Variants in ZNF101 observed in about 807,000 individuals in gnomAD.
The protein encoded by ZNF101 is zinc finger protein 101.
Under a neutral mutation model 42.6 loss-of-function variants are expected in ZNF101, and 34 were observed. The ratio of observed to expected loss-of-function variants is 0.80; its 90% CI spans 0.61 to 1.06. ZNF101 has a LOEUF of 1.06. ZNF101 is among the 50% of genes least tolerant of loss of function. The pLI is 0.00. For synonymous variants in ZNF101, 158 were observed against 183.9 expected, an observed-to-expected ratio of 0.86 and a Z score of 1.14; for missense variants, 466 against 530.9, an observed-to-expected ratio of 0.88 and a Z score of 1.20.
At position 19,677,942 on chromosome 19, in the gene ZNF101, C is replaced by T; in HGVS notation, c.82C>T (p.Leu28Phe). 4 of 1,612,640 alleles carry T rather than the reference C, an allele frequency of 2.5e-6. No homozygotes were observed. The South Asian group carries it at 4.4e-5, about 18-fold the overall frequency. Residue 28 changes from leucine (L) to phenylalanine (F), a missense_variant, in exon 2 of 4, where the codon CTC becomes TTC. Physicochemically the swap from Leu to Phe is conservative, Grantham distance 22 (BLOSUM62 0). Coordinates refer to ENST00000592502, the MANE Select transcript of ZNF101 (RefSeq NM_033204.4). The stretch of plus-strand genomic sequence containing the variant: ...TTTGCTGAGTCCTTCCCAGAAGAAT[C>T]TCTACAGAGATGTGACGCTGGAAAC... ...WALLSPSQKN[L>F]YRDVTLETFR...
rs2098044928 is a variant in ZNF101 at position 19,681,677 on chromosome 19, G to C, written c.*1377G>C. On this transcript the variant is annotated 3_prime_UTR_variant, in exon 4 of 4. Coordinates refer to ENST00000592502, the MANE Select transcript of ZNF101 (RefSeq NM_033204.4). ...AGGTGGGAGGATTGCTTGAGTTTGGGAGGTCGAGGTTGCAGTGAGTGGAGA... is the reference window on the plus strand; with the variant it reads ...AGGTGGGAGGATTGCTTGAGTTTGGCAGGTCGAGGTTGCAGTGAGTGGAGA... 1 of 152,122 alleles carries C rather than the reference G, an allele frequency of 6.6e-6. No individual in the cohort carries two copies. The allele number at this position is 152,122 out of a possible 1,614,324, so 9.4% of individuals were successfully genotyped here.
At chr19:19,673,220 G>A (rs2062181655) in intron 1 of ZNF101, among the ~76,000 whole-genome samples, 1 of 150,710 alleles carries the variant, frequency 6.6e-6, no homozygotes. Flanking sequence ...CAAAGTGGTG[G>A]GATTACAGAT....
Position 19,680,425 on chromosome 19 carries a change from T to C in ZNF101, c.*125T>C. On this transcript the variant is annotated 3_prime_UTR_variant, in exon 4 of 4. Transcript: ENST00000592502. ...TGAGGTCAGGAGTTCAAGACTAGCC[T>C]GGCCAACATGGTGAAACCCCGTCTC... The C allele has an allele frequency of 4.2e-6, 2 of 473,512 alleles. No individual in the cohort carries two copies. The highest frequency in any genetic ancestry group is 7.2e-6 in the Non-Finnish European group (2 of 276,366). The allele number at this position is 473,512 out of a possible 1,614,324, so 29.3% of individuals were successfully genotyped here.
chr19:19,679,363 C>T lies in ZNF101; in HGVS notation c.374C>T (p.Ala125Val), dbSNP rs765508720. 6.2e-7 allele frequency: 1 copy of T among 1,614,102 alleles called. No homozygotes were observed. Among genetic ancestry groups the T allele is most frequent in the East Asian group, 2.2e-5 (1 of 44,878 alleles). ...SFLDRHMRAHAGHKRSECGGE... is the reference protein window; with the variant it reads ...SFLDRHMRAHVGHKRSECGGE... Reference sequence around the variant, plus strand: ...CTGGACAGGCACATGAGAGCTCATGCTGGACACAAACGATCTGAGTGTGGT... The same window carrying T: ...CTGGACAGGCACATGAGAGCTCATGTTGGACACAAACGATCTGAGTGTGGT... Residue 125 changes from alanine to valine, a missense_variant, in exon 4 of 4, where the codon GCT becomes GTT. Coordinates refer to ENST00000592502, the MANE Select transcript of ZNF101 (RefSeq NM_033204.4).
At position 19,682,409 on chromosome 19, in the gene ZNF101, CAG is replaced by C. The variant is rs2062245058; in HGVS notation, c.*2110_*2111del. 6.6e-6 allele frequency: 1 copy of C among 152,088 alleles called. No homozygotes were observed. Among genetic ancestry groups the C allele is most frequent in the South Asian group, 2.1e-4 (1 of 4,832 alleles). The allele number at this position is 152,088 out of a possible 1,614,324, so 9.4% of individuals were successfully genotyped here. Reference sequence around the variant, plus strand: ...TAAATTTTTGGTATTTTTGTAGAAACAGGGTTTTTCCACATTGGCCAGGCTGG... The same window carrying C: ...TAAATTTTTGGTATTTTTGTAGAAACGGTTTTTCCACATTGGCCAGGCTGG... On this transcript the variant is annotated 3_prime_UTR_variant, in exon 4 of 4. Coordinates refer to ENST00000592502, the MANE Select transcript of ZNF101 (RefSeq NM_033204.4).
At chr19:19,671,559 G>A (rs920664547) in intron 1 of ZNF101, among the ~76,000 whole-genome samples, 7 of 151,368 alleles carry the variant, frequency 4.6e-5, no homozygotes, top group East Asian at 1.9e-4. Flanking sequence ...GAGTGCAGTG[G>A]CGCGATCTCG....
At chr19:19,678,851 T>C (rs1241028266) in intron 3 of ZNF101, 65 bp downstream of exon 3, 1 of 1,418,698 alleles carries the variant, frequency 7.0e-7, no homozygotes, top group Non-Finnish European at 9.7e-7. Context: ...AGGAAAATTT[T>C]TAAAAAAATA....
intron 1 of ZNF101, 115 bp downstream of exon 1, chr19:19,669,081 A>C: frequency 4.3e-6 from 6 of 1,408,656 alleles, no homozygotes; most frequent in Non-Finnish European, 5.7e-6. Context: ...CGAGTCCCCC[A>C]GGCGCAGCTC....
chr19:19,677,673 C>A, intron 1 of ZNF101, 191 bp from the exon 2 acceptor site: 1 of 871,076 alleles, frequency 1.1e-6, no homozygotes, highest in Non-Finnish European at 1.6e-6. Context: ...GTGGCTGGCT[C>A]TCTGAGTAGG....
Position 19,678,765 on chromosome 19 carries a change from A to C in ZNF101, c.170A>C (p.Gln57Pro). 1.2e-6 allele frequency: 2 copies of C among 1,612,168 alleles called. No homozygotes were observed. The highest frequency in any genetic ancestry group is 2.2e-5 in the South Asian group (2 of 90,578). ...WKDQDIENLY[Q>P]NLGIKLRSLV... ...GACCAGGACATTGAGAATCTGTACCAAAACCTGGGGATTAAGCTAAGGTAA... is the reference window on the plus strand; with the variant it reads ...GACCAGGACATTGAGAATCTGTACCCAAACCTGGGGATTAAGCTAAGGTAA... The change falls in exon 3 of 4, where the codon CAA (glutamine) becomes CCA (proline). Residue 57 changes from glutamine (Q) to proline (P), a missense_variant. By Grantham distance (76) the Gln-to-Pro change is moderately conservative. Transcript: ENST00000592502.
chr19:19,675,728 G>T (rs1230952190), intron 1 of ZNF101, among the ~76,000 whole-genome samples: 1 of 152,054 alleles, frequency 6.6e-6, no homozygotes, highest in Non-Finnish European at 1.5e-5. Context: ...AAGATAATAG[G>T]CCGGGCACAG....
rs754865237 is a variant in ZNF101 at position 19,683,500 on chromosome 19, G to C, written c.*3200G>C. On this transcript the variant is annotated 3_prime_UTR_variant, in exon 4 of 4. Coordinates refer to ENST00000592502, the MANE Select transcript of ZNF101 (RefSeq NM_033204.4). ...GGTTTTTAATAAATGCCTTAATTCA[G>C]TTTGAAGAAGTTCCCTTCTGTTCAT... The C allele has an allele frequency of 6.6e-6, 1 of 151,866 alleles. No homozygotes were observed. Among genetic ancestry groups the C allele is most frequent in the Non-Finnish European group, 1.5e-5 (1 of 67,976 alleles). The allele number at this position is 151,866 out of a possible 1,614,324, so 9.4% of individuals were successfully genotyped here. A position where few individuals can be genotyped will look rare whatever the true frequency, so the allele number is the denominator to read the frequency against.
chr19:19,678,591 G>A lies in ZNF101; in HGVS notation c.131-135G>A, dbSNP rs2062217289. The A allele has an allele frequency of 5.9e-6, 4 of 677,494 alleles. No homozygotes were observed. The South Asian group carries it at 8.2e-5, about 14-fold the overall frequency. 42.0% of individuals were successfully genotyped at this position (677,494 alleles called of 1,614,324 possible). On this transcript the variant is annotated intron_variant, in intron 2 of 3. Coordinates refer to ENST00000592502, the MANE Select transcript of ZNF101 (RefSeq NM_033204.4). ...GATTGCATCACTGCACTCCAGCCTG[G>A]GTGGCAGAGTGAGACTTTGTCTCCA... is the stretch of plus-strand genomic sequence containing the variant.
rs1399513452 is a variant in ZNF101, at chr19:19,680,044, G to A, written c.1055G>A (p.Cys352Tyr). 6.2e-7 allele frequency: 1 copy of A among 1,613,940 alleles called. No individual in the cohort carries two copies. The highest frequency in any genetic ancestry group is 1.1e-5 in the South Asian group (1 of 91,066). The stretch of plus-strand genomic sequence containing the variant: ...GGTAAAACCTTCAATTATCCCAGTT[G>A]TTTTCGAAGACATAAAAAAACTCAT... ...KCGKTFNYPS[C>Y]FRRHKKTHSG... Residue 352 changes from cysteine (C) to tyrosine (Y), a missense_variant, in exon 4 of 4, where the codon TGT becomes TAT. Transcript: ENST00000592502.
chr19:19,668,767 G>A, upstream of ZNF101: 2 of 618,702 alleles, frequency 3.2e-6, no homozygotes, highest in Non-Finnish European at 2.7e-6. Flanking sequence ...GCGGCAAACT[G>A]TCCAATCAGG....
intron 1 of ZNF101, among the ~76,000 whole-genome samples, chr19:19,669,690 A>G (rs926409934): frequency 2.6e-5 from 4 of 151,960 alleles, no homozygotes; most frequent in African/African-American, 9.7e-5. Flanking sequence ...CAGGTTCACC[A>G]TGTTGGCCGT....
chr19:19,669,885 A>T (rs2062157968), intron 1 of ZNF101, among the ~76,000 whole-genome samples: 1 of 152,114 alleles, frequency 6.6e-6, no homozygotes, highest in South Asian at 2.1e-4. Context: ...AGCAAAGCAG[A>T]AAATAACCCC....
chr19:19,679,426 A>C lies in ZNF101; in HGVS notation c.437A>C (p.His146Pro), dbSNP rs138984536. 1 of 1,613,936 alleles carries C rather than the reference A, an allele frequency of 6.2e-7. No homozygotes were observed. Among genetic ancestry groups the C allele is most frequent in the East Asian group, 2.2e-5 (1 of 44,882 alleles). The change falls in exon 4 of 4, where the codon CAT becomes CCT. Residue 146 changes from histidine to proline, a missense_variant. His to Pro is a moderately conservative substitution (Grantham distance 77, BLOSUM62 -2). Coordinates refer to ENST00000592502, the MANE Select transcript of ZNF101 (RefSeq NM_033204.4). Reference protein sequence around the residue: ...WRETPRKQKQHGKASISPSSG... With the variant: ...WRETPRKQKQPGKASISPSSG... The stretch of plus-strand genomic sequence containing the variant: ...GAGACGCCCCGTAAACAGAAACAAC[A>C]TGGGAAAGCCTCCATTTCCCCCAGT...
In ZNF101 at chr19:19,668,889, G is replaced by T. The variant is rs2062150811; in HGVS notation, c.-75G>T. ...GGGGAGCCCCTGGTGCCCCGGATAC[G>T]GCTGATTTTGTCGTGTGGGACCTGT... is the stretch of plus-strand genomic sequence containing the variant. On this transcript the variant is annotated 5_prime_UTR_variant, in exon 1 of 4. Coordinates refer to ENST00000592502, the MANE Select transcript of ZNF101 (RefSeq NM_033204.4). The T allele has an allele frequency of 1.3e-6, 2 of 1,514,738 alleles. No homozygotes were observed. The highest frequency in any genetic ancestry group is 2.4e-5 in the South Asian group (2 of 82,134). The allele number at this position is 1,514,738 out of a possible 1,614,324, so 93.8% of individuals were successfully genotyped here.
Sources: allele counts gnomAD v4.1 joint callset (sites outside exome capture counted in the v4.1 genomes callset), GRCh38; gene constraint gnomAD v4.1.1; transcripts MANE v1.5; gene names NCBI Gene and HGNC (gene_info 2026-07-23, HGNC 2026-07-21).